Variants in CTIF observed in about 807,000 individuals in gnomAD.
CTIF encodes CBP80/20-dependent translation initiation factor.
Under a neutral mutation model 66.0 loss-of-function variants are expected in CTIF, and 21 were observed. The observed-to-expected ratio is 0.32, with a 90% confidence interval of 0.23 to 0.46. The LOEUF (loss-of-function observed/expected upper bound fraction) is 0.46. Ranked by LOEUF, CTIF falls within the 20% of genes least tolerant of loss-of-function variation. The pLI, the probability that CTIF is intolerant of heterozygous loss-of-function variation, is 1.00. For synonymous variants in CTIF, 345 were observed against 326.4 expected (o/e 1.06, Z -0.62); for missense variants, 739 against 812.7 (o/e 0.91, Z 1.10).
At position 48,819,318 on chromosome 18, in the gene CTIF, G is replaced by A. The variant is rs551306424; in HGVS notation, c.1527+1942G>A. On this transcript the variant is annotated intron_variant, in intron 10 of 11. Coordinates refer to ENST00000256413, the MANE Select transcript of CTIF (RefSeq NM_014772.3). ...ACATGGAGGCTAGGAGCGGGCCTGC[G>A]TGGCCTCTTGGGTCCTCCCATCCTT... 3.2e-4 allele frequency among the ~76,000 whole-genome samples: 48 copies of A among 152,358 alleles called. 1 individual carries two copies. In the South Asian group the frequency reaches 6.2e-3, roughly 20 times the overall value.
chr18:48,689,186 C>T (rs1034066874), intron 6 of CTIF, among the ~76,000 whole-genome samples: 3 of 152,240 alleles, frequency 2.0e-5, no homozygotes, highest in Non-Finnish European at 2.9e-5. Flanking sequence ...GTTCTGCATA[C>T]TGGGCTGTGT....
At chr18:48,589,199 C>A (rs1004667892) in intron 1 of CTIF, among the ~76,000 whole-genome samples, 22 of 152,286 alleles carry the variant, frequency 1.4e-4, no homozygotes, top group African/African-American at 5.3e-4. Context: ...GAAACTCATT[C>A]TTTTAGTCCT....
At chr18:48,811,465 G>A (rs2146290126) in intron 9 of CTIF, among the ~76,000 whole-genome samples, 1 of 152,162 alleles carries the variant, frequency 6.6e-6, no homozygotes, top group Admixed American at 6.5e-5. Flanking sequence ...ATTTCTAAGT[G>A]TACAGTTCAA....
intron 6 of CTIF, among the ~76,000 whole-genome samples, chr18:48,684,290 A>C (rs1327889025): frequency 6.6e-6 from 1 of 152,240 alleles, no homozygotes; most frequent in Non-Finnish European, 1.5e-5. Context: ...ACTTACAAAA[A>C]TTAAATGATA....
In CTIF at chr18:48,758,090, T is replaced by C; in HGVS notation, c.756T>C (p.His252=). The stretch of plus-strand genomic sequence containing the variant: ...ACAGCCAGAACCGGCGCTGGCACCA[T>C]GGCAACATGAAGCACCCACCAGGCG... The part of the protein sequence containing the change: ...HGYSQNRRWH[H]GNMKHPPGDK... The change falls in exon 8 of 12, where the codon CAT becomes CAC. Residue 252 remains histidine (H), a synonymous_variant. Transcript: ENST00000256413. The C allele has an allele frequency of 1.2e-6, 2 of 1,613,718 alleles. No individual in the cohort carries two copies. Among genetic ancestry groups the C allele is most frequent in the Non-Finnish European group, 1.7e-6 (2 of 1,179,950 alleles).
intron 6 of CTIF, among the ~76,000 whole-genome samples, chr18:48,689,441 TG>T (rs2091894129): frequency 1.3e-5 from 2 of 152,184 alleles, no homozygotes; most frequent in African/African-American, 4.8e-5. Context: ...ATTGAAGGCT[TG>T]GGTCACTAAG....
intron 6 of CTIF, among the ~76,000 whole-genome samples, chr18:48,703,931 A>G (rs2092117830): frequency 6.6e-6 from 1 of 152,228 alleles, no homozygotes; most frequent in Non-Finnish European, 1.5e-5. Flanking sequence ...CCAGGCAGAC[A>G]CAGGAGGCTG....
chr18:48,829,235 T>TA (rs1279072906), intron 10 of CTIF, among the ~76,000 whole-genome samples: 1 of 152,152 alleles, frequency 6.6e-6, no homozygotes, highest in African/African-American at 2.4e-5. Context: ...CCTTTGGGGT[T>TA]AAAATCACAC....
chr18:48,862,450 C>A lies in CTIF; in HGVS notation c.*2891C>A, dbSNP rs1196863891. ...TGCTCCCCAAGGCCTGGTGGCTTTG[C>A]CGAAGCTCTGGGACCGCAGCCCCAG... On this transcript the variant is annotated 3_prime_UTR_variant, in exon 12 of 12. Coordinates refer to ENST00000256413, the MANE Select transcript of CTIF (RefSeq NM_014772.3). The A allele has an allele frequency of 6.6e-6, 1 of 152,622 alleles. No individual in the cohort carries two copies. The highest frequency in any genetic ancestry group is 1.9e-4 in the East Asian group (1 of 5,184). 9.5% of individuals were successfully genotyped at this position (152,622 alleles called of 1,614,324 possible).
intron 6 of CTIF, among the ~76,000 whole-genome samples, chr18:48,707,240 A>G (rs2092168402): frequency 6.6e-6 from 1 of 152,234 alleles, no homozygotes; most frequent in Non-Finnish European, 1.5e-5. Flanking sequence ...TAAAGGATAC[A>G]TTTCCCATTT....
intron 3 of CTIF, among the ~76,000 whole-genome samples, chr18:48,649,056 C>G (rs760926833): frequency 1.3e-5 from 2 of 152,228 alleles, no homozygotes; most frequent in Admixed American, 6.5e-5. Context: ...AGACAGGTGA[C>G]TTCTGCATTT....
intron 1 of CTIF, among the ~76,000 whole-genome samples, chr18:48,596,120 G>A (rs1209880538): frequency 6.6e-6 from 1 of 152,210 alleles, no homozygotes; most frequent in Non-Finnish European, 1.5e-5. Flanking sequence ...ATGAATGGGA[G>A]GAGGCAAGGA....
chr18:48,684,924 T>C (rs1315615664), intron 6 of CTIF, among the ~76,000 whole-genome samples: 6 of 152,240 alleles, frequency 3.9e-5, no homozygotes, highest in African/African-American at 1.4e-4. Context: ...GAAATTAGCA[T>C]TGACAGAATA....
chr18:48,801,056 C>T (rs572298050), intron 9 of CTIF, among the ~76,000 whole-genome samples: 4 of 152,298 alleles, frequency 2.6e-5, no homozygotes, highest in East Asian at 3.9e-4. Context: ...GTCTTCAGAC[C>T]GGATCTCAGA....
intron 10 of CTIF, among the ~76,000 whole-genome samples, chr18:48,855,750 A>G (rs534128167): frequency 1.3e-5 from 2 of 152,350 alleles, no homozygotes; most frequent in Admixed American, 6.5e-5. Flanking sequence ...AAGGCCAGGG[A>G]CCTGGAAAAG....
At chr18:48,818,012 G>T (rs2068405684) in intron 10 of CTIF, among the ~76,000 whole-genome samples, 1 of 152,158 alleles carries the variant, frequency 6.6e-6, no homozygotes, top group African/African-American at 2.4e-5. Flanking sequence ...GGATTGGACT[G>T]GTTTGCCACT....
intron 1 of CTIF, among the ~76,000 whole-genome samples, chr18:48,592,780 C>A (rs911245901): frequency 6.6e-6 from 1 of 152,140 alleles, no homozygotes; most frequent in Non-Finnish European, 1.5e-5. Context: ...GGGGACTAAT[C>A]GCTCTCATCA....
chr18:48,735,814 AT>A (rs2092496606), intron 7 of CTIF, among the ~76,000 whole-genome samples: 1 of 152,178 alleles, frequency 6.6e-6, no homozygotes, highest in South Asian at 2.1e-4. Flanking sequence ...AGGCGCTCCC[AT>A]TCCATCTCCA....
chr18:48,590,781 C>T (rs1229527740), intron 1 of CTIF, among the ~76,000 whole-genome samples: 1 of 152,200 alleles, frequency 6.6e-6, no homozygotes, highest in African/African-American at 2.4e-5. Context: ...TGCTACTTCC[C>T]AGGCTCCACT....
Sources: gnomAD v4.1 joint callset for allele counts (sites outside exome capture counted in the v4.1 genomes callset) on GRCh38, gnomAD v4.1.1 for gene constraint, MANE v1.5 for transcripts, NCBI Gene and HGNC (gene_info 2026-07-23, HGNC 2026-07-21) for gene names.